The following ZNF175 variants were observed in gnomAD, a reference collection of about 807,000 sequenced individuals.
ZNF175 encodes the protein zinc finger protein OTK18.
ZNF175 carries 8 observed loss-of-function variants against 14.0 expected under a neutral mutation model. The observed-to-expected ratio is 0.57, with a 90% CI of 0.34 to 1.03. The LOEUF (loss-of-function observed/expected upper bound fraction) is 1.03. ZNF175 is among the 50% of genes least tolerant of loss of function. ZNF175 has a pLI of 0.03. For synonymous variants in ZNF175, 255 were observed against 296.8 expected, an observed-to-expected ratio of 0.86 and a Z score of 1.45; for missense variants, 764 against 849.5, an observed-to-expected ratio of 0.90 and a Z score of 1.25.
At chr19:51,584,404 A>G (rs1241613408) in intron 4 of ZNF175, among the ~76,000 whole-genome samples, 1 of 152,182 alleles carries the variant, frequency 6.6e-6, no homozygotes, top group Non-Finnish European at 1.5e-5. Flanking sequence ...TTTGCAATCG[A>G]CATTGTTAGG....
chr19:51,571,810 C>G (rs553746929), intron 1 of ZNF175, among the ~76,000 whole-genome samples: 1 of 152,230 alleles, frequency 6.6e-6, no homozygotes, highest in East Asian at 1.9e-4. Context: ...CAGCCAAGAG[C>G]TTCAGAGGTT....
At chr19:51,574,672 A>G (rs1300004220) in intron 2 of ZNF175, among the ~76,000 whole-genome samples, 1 of 152,250 alleles carries the variant, frequency 6.6e-6, no homozygotes, top group Non-Finnish European at 1.5e-5. Context: ...CTGTCTCAAA[A>G]CAAAACAAGT....
At chr19:51,586,496 C>T (rs1294448527) in intron 4 of ZNF175, 131 bp from the exon 5 acceptor site, 15 of 870,100 alleles carry the variant, frequency 1.7e-5, no homozygotes, top group Non-Finnish European at 2.3e-5. Context: ...TGTTTCTGCT[C>T]ATTGTCAGCA....
At position 51,577,655 on chromosome 19, in the gene ZNF175, T is replaced by TTC. The variant is rs889732268; in HGVS notation, c.73-3728_73-3727dup. On this transcript the variant is annotated intron_variant, in intron 2 of 4. Transcript: ENST00000262259. ...AGTAATTTTTTTACAAAATACTCCT[T>TTC]TCTCTCTCTTTTTTTTTTTTTTTTT... 1.5e-4 allele frequency among the ~76,000 whole-genome samples: 22 copies of TTC among 147,692 alleles called. 1 individual carries two copies. The highest frequency in any genetic ancestry group is 9.2e-4 in the East Asian group (4 of 4,326).
rs569035474 is a variant in ZNF175 at position 51,584,539 on chromosome 19, G to A, written c.296-2088G>A. Among the ~76,000 whole-genome samples, 7 of 152,296 alleles carry A rather than the reference G, an allele frequency of 4.6e-5. 1 individual carries two copies. The highest frequency in any genetic ancestry group is 1.7e-4 in the African/African-American group (7 of 41,572). On this transcript the variant is annotated intron_variant, in intron 4 of 4. Coordinates refer to ENST00000262259, the MANE Select transcript of ZNF175 (RefSeq NM_007147.4). ...TTTTATGACCTGAATAAAGTGAGAA[G>A]TTAAAAATGTTTCAGATCGCTGCCT... is the stretch of plus-strand genomic sequence containing the variant.
intron 2 of ZNF175, among the ~76,000 whole-genome samples, chr19:51,575,714 T>A (rs1365029629): frequency 1.3e-5 from 2 of 152,216 alleles, no homozygotes; most frequent in African/African-American, 4.8e-5. Flanking sequence ...ATTTTGGCAT[T>A]TACCTCCTAA....
At chr19:51,576,231 A>G (rs945128180) in intron 2 of ZNF175, among the ~76,000 whole-genome samples, 17 of 149,848 alleles carry the variant, frequency 1.1e-4, no homozygotes, top group African/African-American at 4.2e-4. Flanking sequence ...GCTCACTGCA[A>G]CCTCTCCTCC....
rs1568572008 is a variant in ZNF175 at position 51,573,406 on chromosome 19, ACAGGGG to A, written c.72+9_72+14del. On this transcript the variant is annotated splice_donor_region_variant and intron_variant, in intron 2 of 4. Coordinates refer to ENST00000262259, the MANE Select transcript of ZNF175 (RefSeq NM_007147.4). ...AAGCAGGATGGATCTTGCGAGGTAA[ACAGGGG>A]CAGCCCTGGGGATAGTTCTCCAGAA... 1.9e-5 allele frequency: 31 copies of A among 1,612,732 alleles called. No individual in the cohort carries two copies. Among genetic ancestry groups the A allele is most frequent in the Non-Finnish European group, 8.5e-7 (1 of 1,179,538 alleles).
Position 51,587,968 on chromosome 19 carries a change from T to G in ZNF175, c.1637T>G (p.Leu546Arg), listed in dbSNP as rs780362276. ...AAAGCCTTCAACCAGAAGTCAATAC[T>G]CAGCATGCATCAGAGAATTCACACC... ...CGKAFNQKSILSMHQRIHTGE... is the reference protein window; with the variant it reads ...CGKAFNQKSIRSMHQRIHTGE... The change falls in exon 5 of 5, where the codon CTC (leucine) becomes CGC (arginine). Residue 546 changes from leucine to arginine, a missense_variant. Transcript: ENST00000262259. 1 of 1,614,108 alleles carries G rather than the reference T, an allele frequency of 6.2e-7. No homozygotes were observed. Among genetic ancestry groups the G allele is most frequent in the Admixed American group, 1.7e-5 (1 of 60,014 alleles).
Position 51,589,783 on chromosome 19 carries a change from G to A in ZNF175, c.*1316G>A. On this transcript the variant is annotated 3_prime_UTR_variant, in exon 5 of 5. Transcript: ENST00000262259. Reference sequence around the variant, plus strand: ...TTTTGTGCTGCACTGGCAGAATTGAGTAGTTTTGGCGGAGATCAAATAGCC... The same window carrying A: ...TTTTGTGCTGCACTGGCAGAATTGAATAGTTTTGGCGGAGATCAAATAGCC... 1 of 573,612 alleles carries A rather than the reference G, an allele frequency of 1.7e-6. No individual in the cohort carries two copies. The highest frequency in any genetic ancestry group is 3.1e-6 in the Non-Finnish European group (1 of 324,212). The allele number at this position is 573,612 out of a possible 1,614,324, so 35.5% of individuals were successfully genotyped here. A position where few individuals can be genotyped will look rare whatever the true frequency, so the allele number is the denominator to read the frequency against.
rs1982187444 is a variant in ZNF175 at position 51,587,008 on chromosome 19, T to C, written c.677T>C (p.Val226Ala). The C allele has an allele frequency of 1.9e-6, 3 of 1,614,040 alleles. No individual in the cohort carries two copies. Among genetic ancestry groups the C allele is most frequent in the African/African-American group, 2.7e-5 (2 of 74,916 alleles). The change falls in exon 5 of 5, where the codon GTT (valine) becomes GCT (alanine). Residue 226 changes from valine (V) to alanine (A), a missense_variant. Val to Ala is a moderately conservative substitution (Grantham distance 64). Transcript: ENST00000262259. ...AATGACACAGAACAGCTTGATGACG[T>C]TGTTGGGTCTGGTCAGCTATTCAGC... ...ESNDTEQLDD[V>A]VGSGQLFSHS... is the part of the protein sequence containing the mutation.
Position 51,581,451 on chromosome 19 carries a change from GA to G in ZNF175, c.134del (p.Asp45AlafsTer11). ...DFSREEWQQLDPAQRCLYRDV... is the reference protein window; with the variant it reads ...DFSREEWQQLXPAQRCLYRDV... ...CAGCAGGGAGGAGTGGCAGCAACTG[GA>G]CCCTGCCCAGAGATGCCTGTACCGG... is the stretch of plus-strand genomic sequence containing the variant. On this transcript the variant is annotated frameshift_variant, in exon 3 of 5. Transcript: ENST00000262259. LOFTEE classifies it high-confidence loss of function. The G allele has an allele frequency of 2.5e-6, 4 of 1,614,142 alleles. No homozygotes were observed. Among genetic ancestry groups the G allele is most frequent in the Non-Finnish European group, 3.4e-6 (4 of 1,180,022 alleles).
rs753452101 is a variant in ZNF175, at chr19:51,586,772, A to G, written c.441A>G (p.Lys147=). The change falls in exon 5 of 5, where the codon AAA becomes AAG. Residue 147 remains lysine (K), a synonymous_variant. Coordinates refer to ENST00000262259, the MANE Select transcript of ZNF175 (RefSeq NM_007147.4). ...ELRLDADRTK[K]DEQNQIQPMS... ...GGCTGGATGCTGACCGCACAAAGAA[A>G]GATGAGCAAAATCAAATTCAACCCA... 1.2e-6 allele frequency: 2 copies of G among 1,614,242 alleles called. No individual in the cohort carries two copies. Among genetic ancestry groups the G allele is most frequent in the East Asian group, 4.5e-5 (2 of 44,892 alleles).
intron 2 of ZNF175, among the ~76,000 whole-genome samples, chr19:51,575,002 G>A (rs1378625301): frequency 6.6e-6 from 1 of 151,860 alleles, no homozygotes; most frequent in Non-Finnish European, 1.5e-5. Flanking sequence ...CCTCTGCTCT[G>A]GACAGTACTA....
chr19:51,591,657 A>G lies in ZNF175; in HGVS notation c.*3190A>G, dbSNP rs1328926059. The stretch of plus-strand genomic sequence containing the variant: ...GAAACAGGCTTAGAGAATTTGACGT[A>G]AACTCAAGACCGAAAATCTAGGAAC... On this transcript the variant is annotated 3_prime_UTR_variant, in exon 5 of 5. Transcript: ENST00000262259. 6.6e-6 allele frequency: 1 copy of G among 152,260 alleles called. No homozygotes were observed. The highest frequency in any genetic ancestry group is 1.5e-5 in the Non-Finnish European group (1 of 68,050). The allele number at this position is 152,260 out of a possible 1,614,324, so 9.4% of individuals were successfully genotyped here. A position where few individuals can be genotyped will look rare whatever the true frequency, so the allele number is the denominator to read the frequency against.
intron 2 of ZNF175, among the ~76,000 whole-genome samples, chr19:51,580,736 A>G (rs1336622601): frequency 6.6e-5 from 10 of 152,130 alleles, no homozygotes; most frequent in African/African-American, 2.4e-4. Context: ...TATCTTACAC[A>G]GAGCTGTCTG....
chr19:51,578,433 A>C (rs1193688351), intron 2 of ZNF175, among the ~76,000 whole-genome samples: 1 of 152,038 alleles, frequency 6.6e-6, no homozygotes, highest in Non-Finnish European at 1.5e-5. Context: ...GAATGGGAAA[A>C]GATTCTTGTT....
Position 51,587,503 on chromosome 19 carries a change from A to C in ZNF175, c.1172A>C (p.Tyr391Ser), listed in dbSNP as rs767572018. The stretch of plus-strand genomic sequence containing the variant: ...AGAACTCACAGTAGAGAAAAACTCT[A>C]TGAATGCAGTGAATGTGGCAAAGGC... ...HQRTHSREKL[Y>S]ECSECGKGFS... Residue 391 changes from tyrosine (Y) to serine (S), a missense_variant, in exon 5 of 5, where the codon TAT becomes TCT. Tyr to Ser is a moderately radical substitution (Grantham distance 144, BLOSUM62 -2). Transcript: ENST00000262259. The C allele has an allele frequency of 2.5e-6, 4 of 1,614,118 alleles. No individual in the cohort carries two copies. The African/African-American group carries it at 5.3e-5, about 22-fold the overall frequency.
chr19:51,573,759 A>G (rs1165444542), intron 2 of ZNF175: 3 of 374,446 alleles, frequency 8.0e-6, no homozygotes, highest in African/African-American at 2.1e-5. Flanking sequence ...CCCCCCACCA[A>G]ATTCCTTGCT....
Sources: allele counts gnomAD v4.1 joint callset (sites outside exome capture counted in the v4.1 genomes callset), GRCh38; gene constraint gnomAD v4.1.1; transcripts MANE v1.5; gene names NCBI Gene and HGNC (gene_info 2026-07-23, HGNC 2026-07-21).